Variants in OXR1 observed in about 807,000 individuals in gnomAD.
The protein encoded by OXR1 is oxidation resistance 1, also known as oxidation resistance protein 1.
In OXR1, 41 loss-of-function variants were observed where a neutral mutation model predicts 104.6. The ratio of observed to expected loss-of-function variants is 0.39; its 90% confidence interval spans 0.31 to 0.51. The LOEUF (loss-of-function observed/expected upper bound fraction) is 0.51. Among genes scored for constraint, OXR1 ranks in the 20% least tolerant of loss-of-function variants. The probability of loss-of-function intolerance (pLI) is 0.77; values close to 1 mark genes in which losing one functional copy is unlikely to be tolerated. For missense variants in OXR1, 955 were observed against 1,031.9 expected (o/e 0.93, Z 1.02); for synonymous variants, 348 against 348.4 (o/e 1.00, Z 0.01).
At chr8:106,734,397 A>G (rs774701577) in intron 11 of OXR1, among the ~76,000 whole-genome samples, 7 of 152,204 alleles carry the variant, frequency 4.6e-5, no homozygotes, top group Non-Finnish European at 1.0e-4. Context: ...TTTTGAGACC[A>G]AAGTAAGTGT....
At chr8:106,551,811 T>TACAC (rs1474953175) in intron 3 of OXR1, among the ~76,000 whole-genome samples, 5 of 97,924 alleles carry the variant, frequency 5.1e-5, no homozygotes, top group African/African-American at 1.9e-4. Flanking sequence ...TATATATATA[T>TACAC]ATACACACAC....
chr8:106,718,636 G>C (rs1366358271), intron 11 of OXR1, among the ~76,000 whole-genome samples: 2 of 151,764 alleles, frequency 1.3e-5, no homozygotes, highest in Admixed American at 6.6e-5. Flanking sequence ...TCAGGAGATC[G>C]AGACCATCCT....
intron 3 of OXR1, among the ~76,000 whole-genome samples, chr8:106,544,691 G>C (rs889774659): frequency 6.6e-6 from 1 of 152,010 alleles, no homozygotes; most frequent in Non-Finnish European, 1.5e-5. Context: ...GATTTTCCCT[G>C]AAAGTTTGTA....
intron 3 of OXR1, among the ~76,000 whole-genome samples, chr8:106,540,780 AAGAG>A (rs1243088164): frequency 6.6e-6 from 1 of 152,218 alleles, no homozygotes; most frequent in African/African-American, 2.4e-5. Context: ...GGCAGGCAAA[AAGAG>A]AGAGCTCGTG....
intron 15 of OXR1, among the ~76,000 whole-genome samples, chr8:106,743,941 C>G (rs780806610): frequency 6.6e-6 from 1 of 152,166 alleles, no homozygotes; most frequent in Non-Finnish European, 1.5e-5. Context: ...AATGCAGGAA[C>G]AGGAAACTAA....
intron 7 of OXR1, among the ~76,000 whole-genome samples, chr8:106,696,579 A>G (rs1459893246): frequency 1.3e-5 from 2 of 152,184 alleles, no homozygotes; most frequent in African/African-American, 2.4e-5. Flanking sequence ...TTTGTATCCA[A>G]TAAGCAATGG....
At chr8:106,748,787 C>T (rs1460956768) in intron 16 of OXR1, among the ~76,000 whole-genome samples, 1 of 151,122 alleles carries the variant, frequency 6.6e-6, no homozygotes, top group East Asian at 2.0e-4. Flanking sequence ...CCAGGCAGGT[C>T]GCAAACTACT....
At chr8:106,703,396 T>C (rs1271892129) in intron 8 of OXR1, among the ~76,000 whole-genome samples, 3 of 152,198 alleles carry the variant, frequency 2.0e-5, no homozygotes, top group Non-Finnish European at 4.4e-5. Flanking sequence ...GTCTTCTAAA[T>C]TACCCCTGTG....
At chr8:106,565,447 A>G (rs1816994587) in intron 3 of OXR1, among the ~76,000 whole-genome samples, 1 of 152,200 alleles carries the variant, frequency 6.6e-6, no homozygotes, top group Non-Finnish European at 1.5e-5. Context: ...TTCAAGGAGA[A>G]CTACAAACCA....
intron 11 of OXR1, among the ~76,000 whole-genome samples, chr8:106,714,523 A>G (rs967088305): frequency 6.6e-6 from 1 of 152,126 alleles, no homozygotes; most frequent in Admixed American, 6.5e-5. Flanking sequence ...AATTTTATAA[A>G]GTAGTAGAAA....
chr8:106,309,137 C>A (rs1234386173), intron 1 of OXR1, among the ~76,000 whole-genome samples: 2 of 152,100 alleles, frequency 1.3e-5, no homozygotes, highest in Non-Finnish European at 1.5e-5. Context: ...ACCATTATGC[C>A]CAGCTAATTA....
chr8:106,723,055 C>T (rs1350550273), intron 11 of OXR1, among the ~76,000 whole-genome samples: 2 of 152,032 alleles, frequency 1.3e-5, no homozygotes, highest in Non-Finnish European at 2.9e-5. Flanking sequence ...ATAACATTTC[C>T]ATTAAAAATC....
At chr8:106,290,794 A>G (rs1812715167) in intron 1 of OXR1, among the ~76,000 whole-genome samples, 1 of 152,100 alleles carries the variant, frequency 6.6e-6, no homozygotes, top group South Asian at 2.1e-4. Context: ...CAAACAAGAG[A>G]CGATGCTGGT....
At chr8:106,362,279 C>G (rs747858050) in intron 2 of OXR1, among the ~76,000 whole-genome samples, 1 of 152,060 alleles carries the variant, frequency 6.6e-6, no homozygotes, top group Non-Finnish European at 1.5e-5. Context: ...ACCATATCCA[C>G]GTGTTGATTT....
chr8:106,373,591 G>C (rs1322505758), intron 2 of OXR1, among the ~76,000 whole-genome samples: 1 of 152,110 alleles, frequency 6.6e-6, no homozygotes, highest in Non-Finnish European at 1.5e-5. Context: ...GGAAGATAGG[G>C]TGTTCTTTAA....
chr8:106,558,990 A>T (rs1231467563), intron 3 of OXR1, among the ~76,000 whole-genome samples: 1 of 152,190 alleles, frequency 6.6e-6, no homozygotes, highest in East Asian at 1.9e-4. Flanking sequence ...CAAATCTTTA[A>T]GTTGGCTTCC....
intron 11 of OXR1, among the ~76,000 whole-genome samples, chr8:106,719,061 C>T (rs1328556828): frequency 6.6e-6 from 1 of 152,158 alleles, no homozygotes; most frequent in African/African-American, 2.4e-5. Context: ...TGAGAAGGAA[C>T]TACTTATTAC....
At chr8:106,338,279 A>T (rs924160407) in intron 1 of OXR1, among the ~76,000 whole-genome samples, 5 of 152,130 alleles carry the variant, frequency 3.3e-5, no homozygotes, top group African/African-American at 4.8e-5. Flanking sequence ...CCCCTTACAA[A>T]AAAAAGTAAT....
At chr8:106,280,437 G>T (rs563221411) in intron 1 of OXR1, among the ~76,000 whole-genome samples, 1 of 152,256 alleles carries the variant, frequency 6.6e-6, no homozygotes, top group African/African-American at 2.4e-5. Context: ...AGTTTTGCTG[G>T]CCGTCCCTGG....
Sources: gnomAD v4.1 joint callset for allele counts (sites outside exome capture counted in the v4.1 genomes callset) on GRCh38, gnomAD v4.1.1 for gene constraint, MANE v1.5 for transcripts, NCBI Gene and HGNC (gene_info 2026-07-23, HGNC 2026-07-21) for gene names.